CHL1: variants seen among roughly 807,000 people sequenced by gnomAD.
CHL1 encodes the protein neural cell adhesion molecule L1-like protein.
Under a neutral mutation model 141.9 loss-of-function variants are expected in CHL1, and 96 were observed. The ratio of observed to expected loss-of-function variants is 0.68; its 90% CI spans 0.57 to 0.80. CHL1 has a LOEUF of 0.80. CHL1 is among the 30% of genes least tolerant of loss of function. CHL1 has a pLI of 0.00. For synonymous variants in CHL1, 613 were observed against 502.2 expected, an observed-to-expected ratio of 1.22 and a Z score of -2.95; for missense variants, 1,820 against 1,457.2, an observed-to-expected ratio of 1.25 and a Z score of -4.05.
chr3:354,067 A>T (rs1275603305), intron 10 of CHL1, among the ~76,000 whole-genome samples: 5 of 152,168 alleles, frequency 3.3e-5, no homozygotes, highest in African/African-American at 1.2e-4. Context: ...AGAAAGCTAA[A>T]CACTGCTTTT....
intron 2 of CHL1, among the ~76,000 whole-genome samples, chr3:298,807 T>C (rs138573125): frequency 6.6e-6 from 1 of 152,306 alleles, no homozygotes; most frequent in Non-Finnish European, 1.5e-5. Flanking sequence ...ATACAGAGAT[T>C]AGCAAAACAG....
At chr3:250,047 G>A (rs931443365) in intron 2 of CHL1, among the ~76,000 whole-genome samples, 9 of 151,878 alleles carry the variant, frequency 5.9e-5, no homozygotes, top group African/African-American at 2.2e-4. Context: ...GCTCATTGCA[G>A]CTTTGATCTC....
chr3:358,694 C>T (rs1434060362), intron 11 of CHL1, among the ~76,000 whole-genome samples: 1 of 152,000 alleles, frequency 6.6e-6, no homozygotes, highest in East Asian at 1.9e-4. Flanking sequence ...CCTTAGAGAG[C>T]TCACAGTCAA....
At chr3:244,420 A>C (rs1302579331) in intron 1 of CHL1, among the ~76,000 whole-genome samples, 193 bp from the exon 2 acceptor site, 2 of 152,122 alleles carry the variant, frequency 1.3e-5, no homozygotes, top group African/African-American at 2.4e-5. Flanking sequence ...TTGTTCCTTG[A>C]CAGAAATTCG....
intron 1 of CHL1, among the ~76,000 whole-genome samples, chr3:201,518 G>T (rs1451384926): frequency 4.6e-5 from 7 of 152,144 alleles, no homozygotes; most frequent in African/African-American, 1.7e-4. Context: ...GTGTATGTGT[G>T]TGTGCGTGTG....
At chr3:307,034 A>G (rs1381821325) in intron 2 of CHL1, among the ~76,000 whole-genome samples, 1 of 152,190 alleles carries the variant, frequency 6.6e-6, no homozygotes, top group African/African-American at 2.4e-5. Flanking sequence ...TCTAAAGAGT[A>G]TATTTTCTGA....
rs142264874 is a variant in CHL1 at position 210,727 on chromosome 3, C to G, written c.-175+13664C>G. Among the ~76,000 whole-genome samples the G allele has an allele frequency of 1.1e-3, 167 of 152,326 alleles. 2 individuals carry two copies. In the South Asian group the frequency reaches 0.025, roughly 23 times the overall value. ...GAATTATTAAACCCATTGTGATACA[C>G]CATTCACTCACCATGTGACTGCTTA... On this transcript the variant is annotated intron_variant, in intron 1 of 27. Transcript: ENST00000256509.
chr3:405,348 A>G lies in CHL1; in HGVS notation c.3459-147A>G, dbSNP rs1014724287. ...CGTAAACTTGGTAAACATTTGTGGT[A>G]GTATCATGTGGGCTTTACTATCTGT... On this transcript the variant is annotated intron_variant, in intron 27 of 27. Transcript: ENST00000256509. The G allele has an allele frequency of 6.7e-5, 39 of 586,008 alleles. No individual in the cohort carries two copies. The African/African-American group carries it at 7.1e-4, about 11-fold the overall frequency. 36.3% of individuals were successfully genotyped at this position (586,008 alleles called of 1,614,324 possible). A position where few individuals can be genotyped will look rare whatever the true frequency, so the allele number is the denominator to read the frequency against.
intron 16 of CHL1, 59 bp downstream of exon 16, chr3:378,001 C>T (rs979399638): frequency 7.7e-6 from 11 of 1,426,924 alleles, no homozygotes; most frequent in South Asian, 1.5e-5. Context: ...TAAATCCCAT[C>T]GTTCCTGGCC....
intron 2 of CHL1, among the ~76,000 whole-genome samples, chr3:280,211 C>T (rs1696513577): frequency 6.7e-6 from 1 of 148,654 alleles, no homozygotes; most frequent in African/African-American, 2.5e-5. Flanking sequence ...AGAGTCTAGG[C>T]ATTTTTTTTT....
chr3:338,621 A>G (rs1702122304), intron 5 of CHL1, among the ~76,000 whole-genome samples: 1 of 152,232 alleles, frequency 6.6e-6, no homozygotes, highest in African/African-American at 2.4e-5. Flanking sequence ...AATGCCATTT[A>G]TATATCTTCT....
chr3:307,237 A>T (rs1699317761), intron 2 of CHL1, among the ~76,000 whole-genome samples: 1 of 152,226 alleles, frequency 6.6e-6, no homozygotes, highest in African/African-American at 2.4e-5. Context: ...TTAGGATGAA[A>T]TTGTCCAGAC....
At chr3:242,335 G>A (rs977785438) in intron 1 of CHL1, among the ~76,000 whole-genome samples, 6 of 150,314 alleles carry the variant, frequency 4.0e-5, no homozygotes, top group Non-Finnish European at 5.9e-5. Context: ...GGTGGCTCAC[G>A]CCTGTAATCC....
intron 16 of CHL1, among the ~76,000 whole-genome samples, chr3:378,656 A>G (rs1361398308): frequency 6.6e-6 from 1 of 152,116 alleles, no homozygotes; most frequent in African/African-American, 2.4e-5. Context: ...TCCAGCTATT[A>G]TTTGGTTCAG....
At chr3:285,301 A>G (rs1697030292) in intron 2 of CHL1, among the ~76,000 whole-genome samples, 1 of 152,222 alleles carries the variant, frequency 6.6e-6, no homozygotes. Flanking sequence ...TGACTTGGGC[A>G]TTTAAATGGA....
chr3:389,375 C>T lies in CHL1; in HGVS notation c.2371C>T (p.Pro791Ser), dbSNP rs1432552042. 1.2e-6 allele frequency: 2 copies of T among 1,614,174 alleles called. No homozygotes were observed. Among genetic ancestry groups the T allele is most frequent in the Non-Finnish European group, 1.7e-6 (2 of 1,180,030 alleles). ...VTNHTLRVMT[P>S]AVYAPYDVKV... ...AAACCACACATTGCGGGTGATGACG[C>T]CTGCTGTCTATGCCCCTTATGATGT... Residue 791 changes from proline to serine, a missense_variant, in exon 20 of 28, where the codon CCT (proline) becomes TCT (serine). By Grantham distance (74) the Pro-to-Ser change is moderately conservative (BLOSUM62 -1). Transcript: ENST00000256509.
intron 2 of CHL1, among the ~76,000 whole-genome samples, chr3:295,323 G>C (rs1482213048): frequency 6.6e-6 from 1 of 152,204 alleles, no homozygotes; most frequent in East Asian, 1.9e-4. Context: ...TTAATTAGGA[G>C]AGTTTCTAGT....
chr3:379,271 T>A (rs1706731836), intron 16 of CHL1, among the ~76,000 whole-genome samples: 1 of 152,126 alleles, frequency 6.6e-6, no homozygotes. Context: ...CAAATGGCCA[T>A]CAAGGTTGGG....
intron 10 of CHL1, among the ~76,000 whole-genome samples, chr3:352,576 A>G (rs1457564210): frequency 1.3e-5 from 2 of 152,154 alleles, no homozygotes; most frequent in African/African-American, 4.8e-5. Context: ...ATGGGTTTCT[A>G]TGAGGATGGT....
Sources: gnomAD v4.1 joint callset for allele counts (sites outside exome capture counted in the v4.1 genomes callset) on GRCh38, gnomAD v4.1.1 for gene constraint, MANE v1.5 for transcripts, NCBI Gene and HGNC (gene_info 2026-07-23, HGNC 2026-07-21) for gene names.